UNC5C: variants seen among roughly 807,000 people sequenced by gnomAD.
The protein encoded by UNC5C is netrin receptor UNC5C.
Under a neutral mutation model 99.8 loss-of-function variants are expected in UNC5C, and 47 were observed. The ratio of observed to expected loss-of-function variants is 0.47; its 90% CI spans 0.37 to 0.60. The LOEUF is 0.60. Among genes scored for constraint, UNC5C ranks in the 20% least tolerant of loss-of-function variants. UNC5C has a pLI of 0.00. For missense variants in UNC5C, 1,062 were observed against 1,165.9 expected (o/e 0.91, Z 1.30); for synonymous variants, 487 against 452.2 (o/e 1.08, Z -0.98).
rs571553344 is a variant in UNC5C, at chr4:95,171,486, G to C, written c.2452-1154C>G. On this transcript the variant is annotated intron_variant, in intron 14 of 15. Coordinates refer to ENST00000453304, the MANE Select transcript of UNC5C (RefSeq NM_003728.4). ...ATTCCCCCGTGAGTGAGAATATGCA[G>C]TGTTTGGTTTTTTGTTCTTGTGATA... Among the ~76,000 whole-genome samples the C allele has an allele frequency of 2.3e-4, 35 of 151,502 alleles. No individual in the cohort carries two copies. The South Asian group carries it at 6.5e-3, about 28-fold the overall frequency.
chr4:95,220,160 A>G lies in UNC5C; in HGVS notation c.1125T>C (p.Asp375=), dbSNP rs149223679. ...GLCMQTAPDS[D]DVALYVGIVI... ...CAATCCCAACATAGAGAGCAACATCATCTGAATCAGGAGCAGCTAGAGAGG... is the reference window on the plus strand; with the variant it reads ...CAATCCCAACATAGAGAGCAACATCGTCTGAATCAGGAGCAGCTAGAGAGG... Residue 375 remains aspartate, a synonymous_variant, in exon 8 of 16, where the codon GAT becomes GAC. Coordinates refer to ENST00000453304, the MANE Select transcript of UNC5C (RefSeq NM_003728.4). The G allele has an allele frequency of 1.2e-6, 2 of 1,613,532 alleles. No individual in the cohort carries two copies. The highest frequency in any genetic ancestry group is 1.7e-6 in the Non-Finnish European group (2 of 1,179,710).
chr4:95,262,043 C>G (rs192743910), intron 4 of UNC5C, among the ~76,000 whole-genome samples: 8 of 152,320 alleles, frequency 5.3e-5, no homozygotes, highest in African/African-American at 1.9e-4. Context: ...AACTTGCCCT[C>G]TGCTTTTCAG....
At chr4:95,348,988 G>A (rs1743883369) in intron 1 of UNC5C, among the ~76,000 whole-genome samples, 1 of 149,270 alleles carries the variant, frequency 6.7e-6, no homozygotes, top group Admixed American at 6.7e-5. Flanking sequence ...TGAGAGGGAG[G>A]GCGGGAGGGG....
intron 4 of UNC5C, among the ~76,000 whole-genome samples, chr4:95,269,197 G>A (rs1740565592): frequency 6.6e-6 from 1 of 152,172 alleles, no homozygotes; most frequent in African/African-American, 2.4e-5. Context: ...CAGAATCTCT[G>A]GGTGGGATAT....
intron 2 of UNC5C, among the ~76,000 whole-genome samples, chr4:95,334,763 T>C (rs1274314864): frequency 1.3e-5 from 2 of 152,090 alleles, no homozygotes; most frequent in East Asian, 3.9e-4. Context: ...TCAGGAGTTT[T>C]AACCAAGCCA....
chr4:95,191,119 CAG>C (rs756837861), intron 12 of UNC5C, among the ~76,000 whole-genome samples: 3 of 152,138 alleles, frequency 2.0e-5, no homozygotes, highest in Admixed American at 2.0e-4. Context: ...TAAGGCTTGA[CAG>C]AGAGGCAGGA....
At chr4:95,439,263 A>T (rs1560832927) in intron 1 of UNC5C, among the ~76,000 whole-genome samples, 1 of 152,192 alleles carries the variant, frequency 6.6e-6, no homozygotes, top group Non-Finnish European at 1.5e-5. Flanking sequence ...AGAATGGAAA[A>T]GATTTATAAG....
At chr4:95,289,415 C>G (rs1186946790) in intron 3 of UNC5C, among the ~76,000 whole-genome samples, 2 of 152,152 alleles carry the variant, frequency 1.3e-5, no homozygotes, top group East Asian at 3.9e-4. Flanking sequence ...TGCTGCTGGC[C>G]AGCTTACTCA....
At chr4:95,294,740 AGT>A (rs1741611011) in intron 3 of UNC5C, among the ~76,000 whole-genome samples, 1 of 152,228 alleles carries the variant, frequency 6.6e-6, no homozygotes, top group African/African-American at 2.4e-5. Context: ...AAGTTTGCTC[AGT>A]ATTGATGTTT....
intron 6 of UNC5C, among the ~76,000 whole-genome samples, chr4:95,243,218 ATGTTTC>A (rs1373109630): frequency 1.3e-5 from 2 of 151,938 alleles, no homozygotes; most frequent in Non-Finnish European, 2.9e-5. Context: ...TTATTTGATG[ATGTTTC>A]TGTTTCTATT....
At chr4:95,443,188 T>C (rs1209587183) in intron 1 of UNC5C, among the ~76,000 whole-genome samples, 1 of 152,094 alleles carries the variant, frequency 6.6e-6, no homozygotes, top group South Asian at 2.1e-4. Flanking sequence ...GGTTGGATAG[T>C]CTAAACAATT....
chr4:95,329,726 T>C (rs1743039806), intron 2 of UNC5C, among the ~76,000 whole-genome samples: 1 of 152,236 alleles, frequency 6.6e-6, no homozygotes, highest in African/African-American at 2.4e-5. Flanking sequence ...GGCTAATATA[T>C]AGCCACAGAT....
At chr4:95,229,518 A>G (rs531947661) in intron 7 of UNC5C, among the ~76,000 whole-genome samples, 1 of 152,278 alleles carries the variant, frequency 6.6e-6, no homozygotes, top group South Asian at 2.1e-4. Context: ...TTCTTTAAGC[A>G]GTCTATCATT....
intron 3 of UNC5C, among the ~76,000 whole-genome samples, chr4:95,291,820 T>C (rs1305239262): frequency 6.6e-6 from 1 of 152,196 alleles, no homozygotes. Flanking sequence ...TTTAATCTTA[T>C]CCAATTCAAA....
intron 2 of UNC5C, among the ~76,000 whole-genome samples, chr4:95,333,473 A>G (rs1743203643): frequency 1.3e-5 from 2 of 151,788 alleles, no homozygotes; most frequent in East Asian, 1.9e-4. Flanking sequence ...TCACAAGGAC[A>G]AAAAACCAAA....
rs1270410976 is a variant in UNC5C at position 95,185,121 on chromosome 4, T to C, written c.2212A>G (p.Thr738Ala). The C allele has an allele frequency of 6.2e-7, 1 of 1,613,956 alleles. No homozygotes were observed. The highest frequency in any genetic ancestry group is 1.3e-5 in the African/African-American group (1 of 74,928). Residue 738 changes from threonine (T) to alanine (A), a missense_variant, in exon 13 of 16, where the codon ACC (threonine) becomes GCC (alanine). By Grantham distance (58) the Thr-to-Ala change is moderately conservative (BLOSUM62 0). Around this residue, in one of 3 missense-constraint regions of UNC5C, gnomAD observed 810 missense variants for 854.5 expected, o/e 0.95. Coordinates refer to ENST00000453304, the MANE Select transcript of UNC5C (RefSeq NM_003728.4). ...TGAATTGACAGGCGCAGGTTGTGGG[T>C]GCTGCCTTTAAAATGAAGAGCCTTA... ...EPKALHFKGS[T>A]HNLRLSIHDI...
At chr4:95,322,248 T>G (rs1366091465) in intron 2 of UNC5C, among the ~76,000 whole-genome samples, 3 of 152,252 alleles carry the variant, frequency 2.0e-5, no homozygotes, top group Non-Finnish European at 4.4e-5. Context: ...ATTGGTGTGA[T>G]AGGTATATTT....
rs114434583 is a variant in UNC5C at position 95,247,245 on chromosome 4, A to T, written c.776-2101T>A. 6.0e-3 allele frequency among the ~76,000 whole-genome samples: 915 copies of T among 152,184 alleles called. 11 individuals carry two copies. The highest frequency in any genetic ancestry group is 0.021 in the African/African-American group (871 of 41,512). On this transcript the variant is annotated intron_variant, in intron 5 of 15. Coordinates refer to ENST00000453304, the MANE Select transcript of UNC5C (RefSeq NM_003728.4). ...TATATAAAACAGTTGCTAAATATGA[A>T]ATACTGGTTAGATATATATGTTTTC...
chr4:95,192,354 C>A (rs1466104915), intron 12 of UNC5C, among the ~76,000 whole-genome samples: 2 of 132,774 alleles, frequency 1.5e-5, no homozygotes, highest in African/African-American at 5.7e-5. Context: ...CTCCCCTGCT[C>A]ACTCCTCCCT....
Sources: allele counts gnomAD v4.1 joint callset (sites outside exome capture counted in the v4.1 genomes callset), GRCh38; gene constraint gnomAD v4.1.1; regional missense constraint gnomAD v4.1.1; transcripts MANE v1.5; gene names NCBI Gene and HGNC (gene_info 2026-07-23, HGNC 2026-07-21).